PPP3CA: variants seen among roughly 807,000 people sequenced by gnomAD.
PPP3CA encodes the protein protein phosphatase 3 catalytic subunit alpha, also known as CAM-PRP catalytic subunit.
In PPP3CA, 14 loss-of-function variants were observed where a neutral mutation model predicts 66.5. The observed-to-expected ratio is 0.21, with a 90% confidence interval of 0.14 to 0.33. PPP3CA has a LOEUF of 0.33. Among genes scored for constraint, PPP3CA ranks in the 10% least tolerant of loss-of-function variants. The probability of loss-of-function intolerance (pLI) is 1.00; values close to 1 mark genes in which losing one functional copy is unlikely to be tolerated. For synonymous variants in PPP3CA, 232 were observed against 226.2 expected (o/e 1.03, Z -0.23); for missense variants, 317 against 639.5 (o/e 0.50, Z 5.44).
chr4:101,257,753 T>C (rs1290458862), intron 1 of PPP3CA, among the ~76,000 whole-genome samples: 2 of 152,120 alleles, frequency 1.3e-5, no homozygotes, highest in African/African-American at 4.8e-5. Context: ...TTGTTTATTT[T>C]TAGCCCAACA....
At chr4:101,040,791 G>A (rs1404778751) in intron 10 of PPP3CA, among the ~76,000 whole-genome samples, 1 of 152,040 alleles carries the variant, frequency 6.6e-6, no homozygotes, top group Non-Finnish European at 1.5e-5. Flanking sequence ...AAAAACTTTC[G>A]AGATATCCAG....
At chr4:101,262,599 T>C (rs903532319) in intron 1 of PPP3CA, among the ~76,000 whole-genome samples, 141 of 152,208 alleles carry the variant, frequency 9.3e-4, no homozygotes, top group African/African-American at 3.3e-3. Flanking sequence ...GAAAATGAGA[T>C]AGAGGCAGGT....
At chr4:101,155,024 C>T (rs1204218077) in intron 2 of PPP3CA, among the ~76,000 whole-genome samples, 2 of 151,962 alleles carry the variant, frequency 1.3e-5, no homozygotes, top group African/African-American at 4.8e-5. Context: ...ACCATGTTGG[C>T]CAGGATGTTC....
intron 2 of PPP3CA, among the ~76,000 whole-genome samples, chr4:101,177,798 A>G (rs1724109438): frequency 6.6e-6 from 1 of 151,852 alleles, no homozygotes; most frequent in Admixed American, 6.6e-5. Context: ...AATCTTTGAT[A>G]TATCTTACCA....
chr4:101,248,762 A>G (rs1726572236), intron 1 of PPP3CA, among the ~76,000 whole-genome samples: 1 of 152,352 alleles, frequency 6.6e-6, no homozygotes, highest in African/African-American at 2.4e-5. Context: ...AATGAAATTC[A>G]ATTTATTTCT....
chr4:101,174,592 C>A (rs1156563904), intron 2 of PPP3CA, among the ~76,000 whole-genome samples: 1 of 152,028 alleles, frequency 6.6e-6, no homozygotes. Flanking sequence ...GTGTGCAAAC[C>A]TAAACACAAA....
Position 101,106,454 on chromosome 4 carries a change from A to AAAGAAAGG in PPP3CA, c.384+2499_384+2500insCCTTTCTT, listed in dbSNP as rs5860656. ...GAAAGAAAGAAAGAAAGAAAGAAAG[A>AAAGAAAGG]GAAAAGAAAAGAAAAGAAAAGAAAA... On this transcript the variant is annotated intron_variant, in intron 3 of 13. Transcript: ENST00000394854. Among the ~76,000 whole-genome samples, 3 of 7,162 alleles carry AAAGAAAGG rather than the reference A, an allele frequency of 4.2e-4. 1 individual carries two copies. 4.7% of individuals were successfully genotyped at this position (7,162 alleles called of 152,430 possible).
rs1722155360 is a variant in PPP3CA at position 101,124,709 on chromosome 4, GAAAGAAAGAAAGAA to G, written c.260-15645_260-15632del. 2.6e-4 allele frequency among the ~76,000 whole-genome samples: 25 copies of G among 97,850 alleles called. 1 individual carries two copies. Among genetic ancestry groups the G allele is most frequent in the South Asian group, 1.8e-3 (5 of 2,788 alleles). The allele number at this position is 97,850 out of a possible 152,430, so 64.2% of individuals were successfully genotyped here. ...AGAAAGAAAGAAAGAAAGAAAGAAA[GAAAGAAAGAAAGAA>G]AGAGAAAGAAAGAAAGAAAGAAAGA... On this transcript the variant is annotated intron_variant, in intron 2 of 13. Coordinates refer to ENST00000394854, the MANE Select transcript of PPP3CA (RefSeq NM_000944.5).
intron 1 of PPP3CA, among the ~76,000 whole-genome samples, chr4:101,236,365 T>A (rs1726131568): frequency 6.6e-6 from 1 of 151,926 alleles, no homozygotes; most frequent in African/African-American, 2.4e-5. Context: ...GGGAAAGAGC[T>A]TAGCATTTAG....
At chr4:101,198,264 T>C (rs1038241052) in intron 1 of PPP3CA, among the ~76,000 whole-genome samples, 3 of 152,162 alleles carry the variant, frequency 2.0e-5, no homozygotes, top group African/African-American at 7.2e-5. Context: ...TAGGAAAACA[T>C]GTAGATGTTT....
chr4:101,329,820 A>T (rs192033296), intron 1 of PPP3CA, among the ~76,000 whole-genome samples: 2 of 152,096 alleles, frequency 1.3e-5, no homozygotes, highest in Non-Finnish European at 2.9e-5. Context: ...TGTTTGCTGA[A>T]TATTTTAAGC....
rs1286039607 is a variant in PPP3CA at position 101,024,114 on chromosome 4, T to TAAAC, written c.*1747_*1750dup. 2.0e-5 allele frequency: 3 copies of TAAAC among 152,348 alleles called. No homozygotes were observed. The highest frequency in any genetic ancestry group is 2.1e-4 in the South Asian group (1 of 4,822). 9.4% of individuals were successfully genotyped at this position (152,348 alleles called of 1,614,324 possible). On this transcript the variant is annotated 3_prime_UTR_variant, in exon 14 of 14. Transcript: ENST00000394854. ...AAGCCAGAAGATGGCATCTGCTCTTTAAACAGGCTTCTCTTATCTGATTTG... is the reference window on the plus strand; with the variant it reads ...AAGCCAGAAGATGGCATCTGCTCTTTAAACAAACAGGCTTCTCTTATCTGATTTG...
chr4:101,158,201 A>C (rs1211732779), intron 2 of PPP3CA: 1 of 152,266 alleles, frequency 6.6e-6, no homozygotes. Flanking sequence ...AGAATTATTC[A>C]CAATGACAAA....
intron 1 of PPP3CA, among the ~76,000 whole-genome samples, chr4:101,217,936 C>T (rs2659521): frequency 0.17 from 26,111 of 151,936 alleles, 3,310 homozygotes; most frequent in East Asian, 0.33. Flanking sequence ...AGACACAGGC[C>T]AGACAGAGGC....
chr4:101,091,497 T>C (rs1453947093), intron 6 of PPP3CA, among the ~76,000 whole-genome samples: 1 of 152,108 alleles, frequency 6.6e-6, no homozygotes, highest in Non-Finnish European at 1.5e-5. Context: ...TCTCTGTTAA[T>C]ATTCATATAA....
At chr4:101,146,448 T>C (rs1722971745) in intron 2 of PPP3CA, among the ~76,000 whole-genome samples, 1 of 142,328 alleles carries the variant, frequency 7.0e-6, no homozygotes, top group Non-Finnish European at 1.5e-5. Context: ...AAAGAACCAC[T>C]TTTTTTTTTT....
chr4:101,068,951 G>A (rs189366594), intron 8 of PPP3CA, among the ~76,000 whole-genome samples: 4 of 152,184 alleles, frequency 2.6e-5, no homozygotes, highest in African/African-American at 7.2e-5. Context: ...TCTTCAGTAT[G>A]GGAAAGTTAA....
At chr4:101,244,730 C>T (rs974617059) in intron 1 of PPP3CA, among the ~76,000 whole-genome samples, 1 of 152,156 alleles carries the variant, frequency 6.6e-6, no homozygotes, top group Non-Finnish European at 1.5e-5. Flanking sequence ...ACTTCAGTAC[C>T]TATTCCTTGA....
chr4:101,037,060 G>A (rs138793404), intron 11 of PPP3CA, among the ~76,000 whole-genome samples: 4 of 152,262 alleles, frequency 2.6e-5, no homozygotes, highest in African/African-American at 4.8e-5. Flanking sequence ...ACTGGGCTTC[G>A]ATGCTCTGTA....
Sources: allele counts gnomAD v4.1 joint callset (sites outside exome capture counted in the v4.1 genomes callset), GRCh38; gene constraint gnomAD v4.1.1; transcripts MANE v1.5; gene names NCBI Gene and HGNC (gene_info 2026-07-23, HGNC 2026-07-21).